SNRNP70: variants seen among roughly 807,000 people sequenced by gnomAD.
SNRNP70 encodes the protein small nuclear ribonucleoprotein U1 subunit 70, also known as U1 small nuclear ribonucleoprotein 70 kDa.
A neutral mutation model predicts 50.5 loss-of-function variants in SNRNP70; 8 were observed. The observed-to-expected ratio is 0.16, with a 90% CI of 0.09 to 0.29. SNRNP70 has a LOEUF of 0.29. Ranked by LOEUF, SNRNP70 falls within the 10% of genes least tolerant of loss-of-function variation. SNRNP70 has a pLI of 1.00. For missense variants in SNRNP70, 529 were observed against 663.5 expected (o/e 0.80, Z 2.23); for synonymous variants, 320 against 252.9 (o/e 1.27, Z -2.52).
intron 4 of SNRNP70, among the ~76,000 whole-genome samples, chr19:49,097,108 G>A (rs1168744693): frequency 6.6e-6 from 1 of 151,654 alleles, no homozygotes; most frequent in East Asian, 1.9e-4. Context: ...TTAAGCCTGG[G>A]CAACAGAGCA....
chr19:49,106,432 G>A (rs754472316), intron 8 of SNRNP70, among the ~76,000 whole-genome samples: 18 of 152,182 alleles, frequency 1.2e-4, no homozygotes, highest in Non-Finnish European at 2.2e-4. Context: ...TTCTTAAGAT[G>A]TTGGTTGCAA....
chr19:49,107,944 AGGAGCGGAGGCGCTCCAG>A lies in SNRNP70; in HGVS notation c.825_842del (p.Arg275_Arg280del), dbSNP rs1224455656. On this transcript the variant is annotated inframe_deletion, in exon 10 of 10. Coordinates refer to ENST00000598441, the MANE Select transcript of SNRNP70 (RefSeq NM_003089.6). This position sits in a 1 kb window ranked among gnomAD's most constrained non-coding sequence, Gnocchi z 6.0. ...AGGCGCTCACGGAGTCGCGACAAGG[AGGAGCGGAGGCGCTCCAG>A]GGAGCGGAGCAAGGACAAGGACCGG... 8 of 1,547,358 alleles carry A rather than the reference AGGAGCGGAGGCGCTCCAG, an allele frequency of 5.2e-6. No individual in the cohort carries two copies. Among genetic ancestry groups the A allele is most frequent in the East Asian group, 2.4e-5 (1 of 40,830 alleles).
intron 6 of SNRNP70, among the ~76,000 whole-genome samples, chr19:49,100,247 C>G (rs2040565610): frequency 1.3e-5 from 2 of 152,188 alleles, no homozygotes; most frequent in Admixed American, 6.5e-5. Context: ...CTGACATGGT[C>G]CCCAAGGGGT....
chr19:49,101,051 G>A (rs1311805796), intron 6 of SNRNP70, among the ~76,000 whole-genome samples: 5 of 152,162 alleles, frequency 3.3e-5, no homozygotes, highest in Non-Finnish European at 7.3e-5. Flanking sequence ...CAGTACATGA[G>A]CCAGCCCTGC....
chr19:49,093,756 G>A (rs890117284), intron 4 of SNRNP70, among the ~76,000 whole-genome samples: 2 of 149,826 alleles, frequency 1.3e-5, no homozygotes, highest in African/African-American at 4.9e-5. Context: ...CACTTTGGGA[G>A]GCTGAGGCAG....
intron 4 of SNRNP70, among the ~76,000 whole-genome samples, chr19:49,096,668 G>A (rs1161558424): frequency 1.3e-5 from 2 of 152,058 alleles, no homozygotes; most frequent in Middle Eastern, 3.4e-3. Flanking sequence ...TTGGGAGGCT[G>A]AGGCAGGAGA....
chr19:49,102,497 G>A, intron 7 of SNRNP70: 2 of 254,604 alleles, frequency 7.9e-6, no homozygotes, highest in South Asian at 4.1e-5. Flanking sequence ...AACACCGAGG[G>A]CAGGGCTCCA....
chr19:49,104,975 G>A lies in SNRNP70; in HGVS notation c.577+240G>A, dbSNP rs1395038561. Among the ~76,000 whole-genome samples the A allele has an allele frequency of 2.6e-5, 4 of 152,174 alleles. No individual in the cohort carries two copies. The highest frequency in any genetic ancestry group is 2.0e-4 in the Admixed American group (3 of 15,278). ...GAGAGGCCTGAGCCCACATGCTGGC[G>A]TCCGCCCTTGCTAGCTGGGGGTCCC... is the stretch of plus-strand genomic sequence containing the variant. On this transcript the variant is annotated intron_variant, in intron 8 of 9. Transcript: ENST00000598441. The surrounding 1 kb of genome is among the most constrained non-coding windows in gnomAD (Gnocchi z 5.4).
chr19:49,104,743 C>T lies in SNRNP70; in HGVS notation c.577+8C>T. The T allele has an allele frequency of 6.5e-7, 1 of 1,532,818 alleles. No individual in the cohort carries two copies. The allele number at this position is 1,532,818 out of a possible 1,614,324, so 95.0% of individuals were successfully genotyped here. A position where few individuals can be genotyped will look rare whatever the true frequency, so the allele number is the denominator to read the frequency against. On this transcript the variant is annotated splice_region_variant and intron_variant, in intron 8 of 9. Coordinates refer to ENST00000598441, the MANE Select transcript of SNRNP70 (RefSeq NM_003089.6). This position sits in a 1 kb window ranked among gnomAD's most constrained non-coding sequence, Gnocchi z 5.4. Reference sequence around the variant, plus strand: ...GGAGGCCCCGGCGGCTAGGTGAGCACATCCTGCCTTCGACGGGCTCTCGGG... The same window carrying T: ...GGAGGCCCCGGCGGCTAGGTGAGCATATCCTGCCTTCGACGGGCTCTCGGG...
chr19:49,087,245 T>C (rs1001547786), intron 2 of SNRNP70, among the ~76,000 whole-genome samples: 1 of 150,850 alleles, frequency 6.6e-6, no homozygotes, highest in African/African-American at 2.4e-5. Flanking sequence ...GAAAATTCAG[T>C]GAGTAGTGGT....
At chr19:49,102,298 C>T (rs372206904) in intron 7 of SNRNP70, 48 of 546,096 alleles carry the variant, frequency 8.8e-5, no homozygotes, top group Admixed American at 1.7e-4. Flanking sequence ...GTAGCCTCCC[C>T]GCACCCATGG....
chr19:49,108,343 G>C lies in SNRNP70; in HGVS notation c.1214G>C (p.Gly405Ala). ...GGGGQDNGLE[G>A]LGNDSRDMYM... is the part of the protein sequence containing the mutation. ...GGTGGCCAGGACAACGGGCTGGAGG[G>C]TCTGGGCAACGACAGCCGAGACATG... Residue 405 changes from glycine to alanine, a missense_variant, in exon 10 of 10, where the codon GGT becomes GCT. Coordinates refer to ENST00000598441, the MANE Select transcript of SNRNP70 (RefSeq NM_003089.6). The C allele has an allele frequency of 6.2e-7, 1 of 1,606,360 alleles. No individual in the cohort carries two copies. Among genetic ancestry groups the C allele is most frequent in the Non-Finnish European group, 8.5e-7 (1 of 1,176,686 alleles).
intron 2 of SNRNP70, among the ~76,000 whole-genome samples, chr19:49,088,227 G>C (rs1422646350): frequency 8.1e-6 from 1 of 124,074 alleles, no homozygotes; most frequent in Non-Finnish European, 1.7e-5. Context: ...TTTTGACTTG[G>C]AGTCTCGCTC....
At position 49,090,323 on chromosome 19, in the gene SNRNP70, T is replaced by A. The variant is rs745999103; in HGVS notation, c.180T>A (p.Ala60=). 1 of 1,614,106 alleles carries A rather than the reference T, an allele frequency of 6.2e-7. No individual in the cohort carries two copies. The highest frequency in any genetic ancestry group is 8.5e-7 in the Non-Finnish European group (1 of 1,180,012). ...DPRDAPPPTR[A]ETREERMERK... is the part of the protein sequence containing the mutation. Reference sequence around the variant, plus strand: ...GAGATGCCCCTCCTCCAACTCGTGCTGAAACCCGAGAGGAGCGCATGGAGA... The same window carrying A: ...GAGATGCCCCTCCTCCAACTCGTGCAGAAACCCGAGAGGAGCGCATGGAGA... Residue 60 remains alanine, a synonymous_variant, in exon 3 of 10, where the codon GCT becomes GCA. Transcript: ENST00000598441.
chr19:49,108,352 A>G lies in SNRNP70; in HGVS notation c.1223A>G (p.Asn408Ser). The change falls in exon 10 of 10, where the codon AAC becomes AGC. Residue 408 changes from asparagine (N) to serine (S), a missense_variant. This residue lies in a region of SNRNP70 where 327 missense variants were observed against 308.8 expected (regional missense o/e 1.06). Coordinates refer to ENST00000598441, the MANE Select transcript of SNRNP70 (RefSeq NM_003089.6). ...GQDNGLEGLG[N>S]DSRDMYMESE... Reference sequence around the variant, plus strand: ...GACAACGGGCTGGAGGGTCTGGGCAACGACAGCCGAGACATGTACATGGAG... The same window carrying G: ...GACAACGGGCTGGAGGGTCTGGGCAGCGACAGCCGAGACATGTACATGGAG... The G allele has an allele frequency of 1.2e-6, 2 of 1,608,052 alleles. No homozygotes were observed. The highest frequency in any genetic ancestry group is 1.7e-6 in the Non-Finnish European group (2 of 1,177,428).
chr19:49,089,656 A>ATTTTTTTTTTTTT (rs71179085), intron 2 of SNRNP70, among the ~76,000 whole-genome samples: 1 of 82,586 alleles, frequency 1.2e-5, no homozygotes, highest in Non-Finnish European at 2.2e-5. Context: ...TTGAGACAGG[A>ATTTTTTTTTTTTT]TTTTTTTTTT....
At chr19:49,098,376 C>T in intron 4 of SNRNP70, 51 bp from the exon 5 acceptor site, 1 of 1,456,350 alleles carries the variant, frequency 6.9e-7, no homozygotes, top group Non-Finnish European at 9.5e-7. Flanking sequence ...TGTTTTGCTA[C>T]CTGAGACCAT....
intron 7 of SNRNP70, chr19:49,103,012 G>T (rs2040610012): frequency 6.6e-6 from 1 of 152,488 alleles, no homozygotes; most frequent in African/African-American, 2.4e-5. Context: ...GGGCCAAGCG[G>T]CCCCTCCTCA....
At chr19:49,105,391 GT>G (rs746668768) in intron 8 of SNRNP70, among the ~76,000 whole-genome samples, 5 of 152,160 alleles carry the variant, frequency 3.3e-5, no homozygotes, top group Non-Finnish European at 7.3e-5. Flanking sequence ...TCGGAGGTAT[GT>G]GATGTCCGTG....
Sources: allele counts gnomAD v4.1 joint callset (sites outside exome capture counted in the v4.1 genomes callset), GRCh38; gene constraint gnomAD v4.1.1; regional missense constraint gnomAD v4.1.1; non-coding constraint Gnocchi (gnomAD v3.1); transcripts MANE v1.5; gene names NCBI Gene and HGNC (gene_info 2026-07-23, HGNC 2026-07-21).